Variants in ESF1 observed in about 807,000 individuals in gnomAD.
ESF1 encodes ESF1 nucleolar pre-rRNA processing protein.
ESF1 carries 58 observed loss-of-function variants against 92.0 expected under a neutral mutation model. That is an observed-to-expected ratio of 0.63 (90% CI 0.51 to 0.78). The LOEUF (loss-of-function observed/expected upper bound fraction) is 0.78, where lower values mean the gene tolerates loss of function less well. ESF1 is among the 30% of genes least tolerant of loss of function. The probability of loss-of-function intolerance (pLI) is 0.00; values close to 1 mark genes in which losing one functional copy is unlikely to be tolerated. For missense variants in ESF1, 922 were observed against 989.1 expected (o/e 0.93, Z 0.91); for synonymous variants, 321 against 313.7 (o/e 1.02, Z -0.24).
At chr20:13,756,037 A>G (rs1018623818) in intron 9 of ESF1, among the ~76,000 whole-genome samples, 1 of 152,196 alleles carries the variant, frequency 6.6e-6, no homozygotes, top group Non-Finnish European at 1.5e-5. Flanking sequence ...TAACATCAAA[A>G]AAGTCCTGAG....
At chr20:13,743,897 T>A (rs1041335846) in intron 9 of ESF1, among the ~76,000 whole-genome samples, 2 of 152,214 alleles carry the variant, frequency 1.3e-5, no homozygotes, top group Non-Finnish European at 2.9e-5. Context: ...ATATATTCAA[T>A]CTTTGTCAAT....
At chr20:13,717,956 CT>C (rs758741323) in intron 12 of ESF1, among the ~76,000 whole-genome samples, 237 of 134,328 alleles carry the variant, frequency 1.8e-3, no homozygotes, top group Admixed American at 2.1e-3. Context: ...TTTTTTTTTG[CT>C]TTTTTTTTTT....
chr20:13,773,442 C>T (rs1265367273), intron 4 of ESF1, among the ~76,000 whole-genome samples: 1 of 152,020 alleles, frequency 6.6e-6, no homozygotes, highest in East Asian at 1.9e-4. Flanking sequence ...TTGCCTAAAA[C>T]ACAGGGTTTT....
chr20:13,726,308 C>A (rs957131709), intron 11 of ESF1, among the ~76,000 whole-genome samples: 5 of 152,208 alleles, frequency 3.3e-5, no homozygotes, highest in African/African-American at 1.2e-4. Flanking sequence ...GTAGTTTCCA[C>A]TGAGTCTCCA....
Position 13,766,941 on chromosome 20 carries a change from A to C in ESF1, c.1519-17T>G. On this transcript the variant is annotated splice_polypyrimidine_tract_variant and intron_variant, in intron 7 of 13. Transcript: ENST00000617257. Reference sequence around the variant, plus strand: ...GATTTCCACCTTTCACCAACAAATAAGAAAAAATAACACACGAAAATGGAA... The same window carrying C: ...GATTTCCACCTTTCACCAACAAATACGAAAAAATAACACACGAAAATGGAA... 6.2e-7 allele frequency: 1 copy of C among 1,604,962 alleles called. No individual in the cohort carries two copies. Among genetic ancestry groups the C allele is most frequent in the Non-Finnish European group, 8.5e-7 (1 of 1,175,656 alleles).
chr20:13,761,172 C>T (rs963033974), intron 8 of ESF1, among the ~76,000 whole-genome samples: 2 of 152,064 alleles, frequency 1.3e-5, no homozygotes, highest in South Asian at 2.1e-4. Context: ...TAAACAGATG[C>T]TTGAAGGCAA....
chr20:13,765,568 G>T (rs1054656263), intron 8 of ESF1, among the ~76,000 whole-genome samples: 2 of 152,022 alleles, frequency 1.3e-5, no homozygotes, highest in African/African-American at 4.8e-5. Context: ...GGACCAAGAA[G>T]ACAAAAGTTA....
chr20:13,756,701 TACAGC>T (rs1431781784), intron 9 of ESF1, among the ~76,000 whole-genome samples: 1 of 152,246 alleles, frequency 6.6e-6, no homozygotes, highest in Non-Finnish European at 1.5e-5. Flanking sequence ...CAGGTTGATC[TACAGC>T]ACATGTAGAG....
intron 8 of ESF1, among the ~76,000 whole-genome samples, chr20:13,766,183 A>G (rs1384573544): frequency 6.6e-6 from 1 of 152,206 alleles, no homozygotes; most frequent in Non-Finnish European, 1.5e-5. Context: ...TGATGTCCTA[A>G]AAGGATAAAG....
At chr20:13,745,889 GAA>G (rs1600277605) in intron 9 of ESF1, among the ~76,000 whole-genome samples, 1 of 150,134 alleles carries the variant, frequency 6.7e-6, no homozygotes, top group Non-Finnish European at 1.5e-5. Flanking sequence ...AAAAGAAAAA[GAA>G]TGACTAATAC....
At chr20:13,720,990 G>A (rs2049864420) in intron 11 of ESF1, among the ~76,000 whole-genome samples, 4 of 152,192 alleles carry the variant, frequency 2.6e-5, no homozygotes, top group Non-Finnish European at 5.9e-5. Flanking sequence ...AAGCGTGGTG[G>A]CCAGCACCTG....
intron 9 of ESF1, among the ~76,000 whole-genome samples, chr20:13,748,461 T>C (rs376847487): frequency 1.9e-4 from 8 of 41,642 alleles, no homozygotes; most frequent in East Asian, 3.4e-3. Context: ...TATATATACA[T>C]ATATACACAT....
chr20:13,748,736 G>T (rs989430886), intron 9 of ESF1, among the ~76,000 whole-genome samples: 2 of 150,872 alleles, frequency 1.3e-5, no homozygotes, highest in Non-Finnish European at 3.0e-5. Context: ...ACAGGCACCC[G>T]CCACTAGGCC....
chr20:13,762,498 CT>C (rs1979243458), intron 8 of ESF1, among the ~76,000 whole-genome samples: 1 of 152,166 alleles, frequency 6.6e-6, no homozygotes, highest in Non-Finnish European at 1.5e-5. Flanking sequence ...TCTCTGATGG[CT>C]TACTTTAAAC....
At position 13,718,938 on chromosome 20, in the gene ESF1, T is replaced by A. The variant is rs770355784; in HGVS notation, c.2085A>T (p.Pro695=). The A allele has an allele frequency of 6.2e-7, 1 of 1,605,232 alleles. No individual in the cohort carries two copies. The highest frequency in any genetic ancestry group is 1.1e-5 in the South Asian group (1 of 89,692). ...GTCTTTCTATTTCAATTTCTTCTTC[T>A]GGAGATGTGCCATCTTTTGCAGATT... ...SVKSAKDGTS[P]EEEIEIERQK... is the part of the protein sequence containing the mutation. The change falls in exon 12 of 14, where the codon CCA becomes CCT. Residue 695 remains proline (P), a synonymous_variant. Coordinates refer to ENST00000617257, the MANE Select transcript of ESF1 (RefSeq NM_001276380.2).
Position 13,783,162 on chromosome 20 carries a change from A to C in ESF1, c.-22T>G. ...ACATTTTTAATTCTTAATCTCGACC[A>C]AATGCTTGAAGAAAACAAATACTGA... On this transcript the variant is annotated 5_prime_UTR_variant, in exon 2 of 14. Coordinates refer to ENST00000617257, the MANE Select transcript of ESF1 (RefSeq NM_001276380.2). The C allele has an allele frequency of 6.3e-7, 1 of 1,579,534 alleles. No homozygotes were observed. The highest frequency in any genetic ancestry group is 8.6e-7 in the Non-Finnish European group (1 of 1,161,380).
intron 9 of ESF1, among the ~76,000 whole-genome samples, chr20:13,745,256 T>G (rs1244042694): frequency 6.6e-6 from 1 of 152,134 alleles, no homozygotes; most frequent in African/African-American, 2.4e-5. Context: ...TCCAAGAAAT[T>G]CCATGCGTAT....
Position 13,764,526 on chromosome 20 carries a change from G to A in ESF1, c.1666+2251C>T, listed in dbSNP as rs561514336. ...ACAGTCGAAAATCCACACGTATCTC[G>A]ATTCTCCCAAAACTTAACTAATAGT... On this transcript the variant is annotated intron_variant, in intron 8 of 13. Transcript: ENST00000617257. Among the ~76,000 whole-genome samples the A allele has an allele frequency of 1.8e-4, 28 of 152,254 alleles. 1 individual carries two copies. The South Asian group carries it at 3.5e-3, about 19-fold the overall frequency.
chr20:13,755,466 C>T (rs958561661), intron 9 of ESF1, among the ~76,000 whole-genome samples: 1 of 152,038 alleles, frequency 6.6e-6, no homozygotes, highest in Non-Finnish European at 1.5e-5. Context: ...TTCATTTATA[C>T]GTGTATTAGA....
Sources: allele counts gnomAD v4.1 joint callset (sites outside exome capture counted in the v4.1 genomes callset), GRCh38; gene constraint gnomAD v4.1.1; transcripts MANE v1.5; gene names NCBI Gene and HGNC (gene_info 2026-07-23, HGNC 2026-07-21).